Variants in GRM7 observed in about 807,000 individuals in gnomAD.
The protein encoded by GRM7 is metabotropic glutamate receptor 7.
GRM7 carries 35 observed loss-of-function variants against 84.5 expected under a neutral mutation model. The ratio of observed to expected loss-of-function variants is 0.41; its 90% CI spans 0.32 to 0.55. GRM7 has a LOEUF of 0.55. Ranked by LOEUF, GRM7 falls within the 20% of genes least tolerant of loss-of-function variation. The pLI is 0.19. For synonymous variants in GRM7, 487 were observed against 455.1 expected, an observed-to-expected ratio of 1.07 and a Z score of -0.89; for missense variants, 1,003 against 1,194.6, an observed-to-expected ratio of 0.84 and a Z score of 2.36.
At chr3:6,945,929 G>A (rs1345557000) in intron 1 of GRM7, among the ~76,000 whole-genome samples, 2 of 151,952 alleles carry the variant, frequency 1.3e-5, no homozygotes, top group Non-Finnish European at 2.9e-5. Context: ...TTGTAAATTT[G>A]TTTGAGTTCA....
At chr3:7,081,748 G>T (rs1311427977) in intron 1 of GRM7, among the ~76,000 whole-genome samples, 1 of 152,116 alleles carries the variant, frequency 6.6e-6, no homozygotes, top group Non-Finnish European at 1.5e-5. Context: ...TACTACTGCA[G>T]TGAACACACA....
At chr3:7,200,828 C>G (rs1489809992) in intron 2 of GRM7, among the ~76,000 whole-genome samples, 1 of 152,142 alleles carries the variant, frequency 6.6e-6, no homozygotes, top group Non-Finnish European at 1.5e-5. Flanking sequence ...AAACCTGTCA[C>G]TCCTCCTCAC....
At chr3:7,073,844 C>A (rs1275338924) in intron 1 of GRM7, among the ~76,000 whole-genome samples, 4 of 151,890 alleles carry the variant, frequency 2.6e-5, no homozygotes, top group Non-Finnish European at 5.9e-5. Flanking sequence ...GTAGAGCTAC[C>A]TAAGTAAGCA....
At chr3:7,617,813 G>A (rs1299877100) in intron 8 of GRM7, among the ~76,000 whole-genome samples, 3 of 152,002 alleles carry the variant, frequency 2.0e-5, no homozygotes, top group African/African-American at 4.8e-5. Flanking sequence ...TCCAAATGTC[G>A]ACCTTTATTA....
chr3:7,374,547 C>T (rs564260503), intron 4 of GRM7, among the ~76,000 whole-genome samples: 13 of 151,938 alleles, frequency 8.6e-5, no homozygotes, highest in East Asian at 3.9e-4. Context: ...GGTGCGATCT[C>T]GGCTCACTGC....
At chr3:7,382,975 T>C (rs901677440) in intron 4 of GRM7, among the ~76,000 whole-genome samples, 4 of 152,050 alleles carry the variant, frequency 2.6e-5, no homozygotes, top group African/African-American at 7.2e-5. Flanking sequence ...GGAGAGGAAA[T>C]TGAGATTTTT....
At chr3:7,692,953 A>G (rs1329335414) in intron 9 of GRM7, among the ~76,000 whole-genome samples, 1 of 151,606 alleles carries the variant, frequency 6.6e-6, no homozygotes, top group Non-Finnish European at 1.5e-5. Context: ...GCCACTGTGG[A>G]GTGAGATGCA....
chr3:7,185,062 G>A (rs1031108152), intron 2 of GRM7, among the ~76,000 whole-genome samples: 1 of 152,122 alleles, frequency 6.6e-6, no homozygotes, highest in Non-Finnish European at 1.5e-5. Flanking sequence ...GAAAACAGAG[G>A]TTTGGAAAGT....
At chr3:7,579,851 T>C (rs1389177112) in intron 8 of GRM7, among the ~76,000 whole-genome samples, 3 of 152,110 alleles carry the variant, frequency 2.0e-5, no homozygotes, top group Admixed American at 2.0e-4. Flanking sequence ...TACAACAGAG[T>C]AGAGTTGCCC....
At chr3:7,206,085 G>T (rs1257053320) in intron 2 of GRM7, among the ~76,000 whole-genome samples, 1 of 152,098 alleles carries the variant, frequency 6.6e-6, no homozygotes, top group Non-Finnish European at 1.5e-5. Context: ...TTGTGTTGTG[G>T]TAAGCGGGGA....
intron 1 of GRM7, among the ~76,000 whole-genome samples, chr3:6,936,109 A>C (rs1697683959): frequency 6.6e-6 from 1 of 152,096 alleles, no homozygotes; most frequent in East Asian, 1.9e-4. Context: ...CCAGCTCTGC[A>C]ACACCTGTGA....
chr3:6,932,257 C>T (rs1233805855), intron 1 of GRM7, among the ~76,000 whole-genome samples: 1 of 152,168 alleles, frequency 6.6e-6, no homozygotes, highest in Non-Finnish European at 1.5e-5. Context: ...ACCGAGGGCC[C>T]ACAATTAGGC....
intron 2 of GRM7, among the ~76,000 whole-genome samples, chr3:7,254,677 G>T (rs999652449): frequency 6.6e-6 from 1 of 152,206 alleles, no homozygotes; most frequent in Non-Finnish European, 1.5e-5. Flanking sequence ...GCTGTAGTTT[G>T]CTGACCTCTG....
chr3:7,435,947 C>T (rs551700253), intron 5 of GRM7, among the ~76,000 whole-genome samples: 7 of 150,592 alleles, frequency 4.6e-5, no homozygotes, highest in Admixed American at 2.6e-4. Flanking sequence ...TGTGATCCAC[C>T]CACCTCGGCT....
chr3:7,326,148 A>T (rs1700976569), intron 4 of GRM7, among the ~76,000 whole-genome samples: 1 of 150,574 alleles, frequency 6.6e-6, no homozygotes, highest in Non-Finnish European at 1.5e-5. Flanking sequence ...AAAGGTATCA[A>T]CATCTGTTGA....
intron 4 of GRM7, among the ~76,000 whole-genome samples, chr3:7,340,080 A>G (rs1453864116): frequency 6.6e-6 from 1 of 152,142 alleles, no homozygotes; most frequent in African/African-American, 2.4e-5. Context: ...TATATGTTGA[A>G]TATTTGATCT....
chr3:7,656,373 G>A (rs1472626068), intron 8 of GRM7, among the ~76,000 whole-genome samples: 2 of 151,954 alleles, frequency 1.3e-5, no homozygotes, highest in Admixed American at 6.6e-5. Flanking sequence ...GCGTGCACCT[G>A]TAGTCCCAGC....
intron 2 of GRM7, among the ~76,000 whole-genome samples, chr3:7,270,744 TAATC>T (rs1364394282): frequency 1.2e-4 from 18 of 152,304 alleles, no homozygotes; most frequent in African/African-American, 4.1e-4. Flanking sequence ...ATGACTTTAT[TAATC>T]AAAAGTAGTG....
intron 4 of GRM7, among the ~76,000 whole-genome samples, chr3:7,346,243 A>G (rs1483179449): frequency 1.3e-5 from 2 of 151,902 alleles, no homozygotes; most frequent in African/African-American, 4.8e-5. Context: ...TTTTAACAAC[A>G]TTAGCCAAGT....
Sources: gnomAD v4.1 joint callset for allele counts (sites outside exome capture counted in the v4.1 genomes callset) on GRCh38, gnomAD v4.1.1 for gene constraint, MANE v1.5 for transcripts, NCBI Gene and HGNC (gene_info 2026-07-23, HGNC 2026-07-21) for gene names.